The following MED20 variants were observed in gnomAD, a reference collection of about 807,000 sequenced individuals.
MED20 encodes the protein mediator of RNA polymerase II transcription subunit 20.
A neutral mutation model predicts 19.7 loss-of-function variants in MED20; 19 were observed. That is an observed-to-expected ratio of 0.96 (90% CI 0.67 to 1.42). MED20 has a LOEUF of 1.42. Among genes scored for constraint, MED20 ranks in the 40% most tolerant of loss-of-function variants. The probability of loss-of-function intolerance (pLI) is 0.00; values close to 1 mark genes in which losing one functional copy is unlikely to be tolerated. For synonymous variants in MED20, 105 were observed against 104.8 expected (o/e 1.00, Z -0.01); for missense variants, 225 against 273.0 (o/e 0.82, Z 1.24).
chr6:41,912,627 G>A (rs1175240131), intron 2 of MED20, among the ~76,000 whole-genome samples: 1 of 151,996 alleles, frequency 6.6e-6, no homozygotes, highest in Non-Finnish European at 1.5e-5. Flanking sequence ...AAAATGCTGG[G>A]ATTCCAGGCA....
chr6:41,913,706 T>C (rs1582059419), intron 2 of MED20, among the ~76,000 whole-genome samples: 1 of 152,182 alleles, frequency 6.6e-6, no homozygotes, highest in East Asian at 1.9e-4. Context: ...AAGACCAGCC[T>C]GGCCAACATG....
chr6:41,909,340 G>A lies in MED20; in HGVS notation c.352C>T (p.Gln118Ter). Residue 118 changes from glutamine to a stop codon, truncating the protein, a stop_gained, in exon 3 of 4, where the codon CAG (glutamine) becomes TAG (stop). Transcript: ENST00000265350. LOFTEE classifies it high-confidence loss of function. ...SKIETRGTRY[Q>*]YCDFLVKVGT... ...ACCTTCACCAGGAAGTCACAGTACT[G>A]GTACCTGGTGCCCCGGGTCTCAATC... is the stretch of plus-strand genomic sequence containing the variant. The A allele has an allele frequency of 6.2e-7, 1 of 1,614,086 alleles. No homozygotes were observed. Among genetic ancestry groups the A allele is most frequent in the Non-Finnish European group, 8.5e-7 (1 of 1,180,034 alleles).
At position 41,911,955 on chromosome 6, in the gene MED20, C is replaced by T. The variant is rs1225243109; in HGVS notation, c.170-2433G>A. The stretch of plus-strand genomic sequence containing the variant: ...CTATATGAGTCTACAAGTGTTACTG[C>T]CTTGGAAATATCTTAAAAGTCAACT... On this transcript the variant is annotated intron_variant, in intron 2 of 3. Transcript: ENST00000265350. 2.6e-5 allele frequency among the ~76,000 whole-genome samples: 4 copies of T among 152,122 alleles called. No individual in the cohort carries two copies. In the East Asian group the frequency reaches 7.7e-4, roughly 29 times the overall value.
intron 2 of MED20, 127 bp downstream of exon 2, chr6:41,916,658 A>G: frequency 8.4e-7 from 1 of 1,190,174 alleles, no homozygotes; most frequent in East Asian, 2.4e-5. Flanking sequence ...TAATGACGTC[A>G]AAAACACATC....
intron 3 of MED20, 53 bp from the exon 4 acceptor site, chr6:41,907,340 T>C: frequency 6.6e-7 from 1 of 1,520,208 alleles, no homozygotes; most frequent in African/African-American, 1.4e-5. Flanking sequence ...AGACAAGGTC[T>C]GCTTCTCTTG....
intron 2 of MED20, among the ~76,000 whole-genome samples, chr6:41,916,509 G>A (rs1775318211): frequency 6.6e-6 from 1 of 152,080 alleles, no homozygotes. Context: ...GAACCTGGGA[G>A]GTGGAGGTTG....
At chr6:41,920,876 C>T in intron 1 of MED20, 129 bp downstream of exon 1, 2 of 1,181,924 alleles carry the variant, frequency 1.7e-6, no homozygotes, top group Non-Finnish European at 2.3e-6. Context: ...GCCCGGACGG[C>T]ATCCTCTCAT....
intron 2 of MED20, among the ~76,000 whole-genome samples, chr6:41,913,898 CA>C (rs888423748): frequency 1.2e-4 from 18 of 148,432 alleles, no homozygotes; most frequent in Non-Finnish European, 2.5e-4. Flanking sequence ...AACTCCGTCT[CA>C]AAAAAAAAAT....
intron 1 of MED20, among the ~76,000 whole-genome samples, chr6:41,918,674 G>A (rs1256721024): frequency 1.4e-5 from 2 of 147,646 alleles, no homozygotes; most frequent in Admixed American, 6.7e-5. Flanking sequence ...ATGGCCGGGC[G>A]CGGTGGCTCA....
chr6:41,919,572 T>C (rs1159974749), intron 1 of MED20, among the ~76,000 whole-genome samples: 2 of 152,082 alleles, frequency 1.3e-5, no homozygotes, highest in Non-Finnish European at 2.9e-5. Flanking sequence ...AGTCCTAGGA[T>C]TCTGAAAACG....
Position 41,906,606 on chromosome 6 carries a change from C to A in MED20, c.*466G>T, listed in dbSNP as rs371921870. The A allele has an allele frequency of 2.6e-4, 41 of 160,440 alleles. No individual in the cohort carries two copies. In the South Asian group the frequency reaches 7.3e-3, roughly 29 times the overall value. The allele number at this position is 160,440 out of a possible 1,614,324, so 9.9% of individuals were successfully genotyped here. ...ACCAGTTGTGCCTTCTACTCCATCT[C>A]TAGGATAGAAGCCCAGCCACATCCT... On this transcript the variant is annotated 3_prime_UTR_variant, in exon 4 of 4. Transcript: ENST00000265350.
Position 41,921,066 on chromosome 6 carries a change from T to C in MED20, c.-48A>G, listed in dbSNP as rs1428761125. On this transcript the variant is annotated 5_prime_UTR_variant, in exon 1 of 4. Coordinates refer to ENST00000265350, the MANE Select transcript of MED20 (RefSeq NM_004275.5). The stretch of plus-strand genomic sequence containing the variant: ...AGAATCACACAGTAGAAACGCAGGG[T>C]TCCCTGTCCGCCCACAGAAACTCCT... 1.2e-6 allele frequency: 2 copies of C among 1,603,512 alleles called. No individual in the cohort carries two copies. The highest frequency in any genetic ancestry group is 2.2e-5 in the South Asian group (2 of 90,092).
intron 1 of MED20, among the ~76,000 whole-genome samples, chr6:41,919,910 C>A (rs1176946395): frequency 6.6e-6 from 1 of 152,166 alleles, no homozygotes; most frequent in African/African-American, 2.4e-5. Context: ...CACTGAGAAA[C>A]CTGCAAGAAC....
At chr6:41,914,486 C>T (rs563530268) in intron 2 of MED20, among the ~76,000 whole-genome samples, 2 of 152,296 alleles carry the variant, frequency 1.3e-5, no homozygotes, top group African/African-American at 4.8e-5. Flanking sequence ...TACAGGTACA[C>T]AGTTAGAATG....
chr6:41,908,742 G>C (rs895229161), intron 3 of MED20, among the ~76,000 whole-genome samples: 3 of 152,112 alleles, frequency 2.0e-5, no homozygotes, highest in Non-Finnish European at 4.4e-5. Flanking sequence ...GAAGCTTTCT[G>C]CTTGCTTTGA....
chr6:41,913,528 C>T (rs1359950604), intron 2 of MED20, among the ~76,000 whole-genome samples: 2 of 152,180 alleles, frequency 1.3e-5, no homozygotes, highest in Non-Finnish European at 2.9e-5. Context: ...TTGAAGGCAA[C>T]ACAAATGGTA....
At chr6:41,919,907 A>T (rs891817689) in intron 1 of MED20, among the ~76,000 whole-genome samples, 6 of 152,368 alleles carry the variant, frequency 3.9e-5, no homozygotes, top group African/African-American at 1.2e-4. Flanking sequence ...AATCACTGAG[A>T]AACCTGCAAG....
At position 41,906,550 on chromosome 6, in the gene MED20, A is replaced by G. The variant is rs1465947003; in HGVS notation, c.*522T>C. On this transcript the variant is annotated 3_prime_UTR_variant, in exon 4 of 4. Transcript: ENST00000265350. ...GGAAAGTCAATTCGCAAATCACTTC[A>G]GCAAACAGGTCAGAAAATAGTAACT... The G allele has an allele frequency of 1.3e-5, 2 of 153,820 alleles. No homozygotes were observed. Among genetic ancestry groups the G allele is most frequent in the South Asian group, 2.0e-4 (1 of 4,944 alleles). The allele number at this position is 153,820 out of a possible 1,614,324, so 9.5% of individuals were successfully genotyped here. A position where few individuals can be genotyped will look rare whatever the true frequency, so the allele number is the denominator to read the frequency against.
rs1775023382 is a variant in MED20, at chr6:41,905,467, C to T, written c.*1605G>A. On this transcript the variant is annotated 3_prime_UTR_variant, in exon 4 of 4. Coordinates refer to ENST00000265350, the MANE Select transcript of MED20 (RefSeq NM_004275.5). The stretch of plus-strand genomic sequence containing the variant: ...GAACAAAAAATACAGATGACAGGTT[C>T]TGTAGTTATGGTACTGAACTGAGCT... 1 of 152,142 alleles carries T rather than the reference C, an allele frequency of 6.6e-6. No individual in the cohort carries two copies. The highest frequency in any genetic ancestry group is 1.5e-5 in the Non-Finnish European group (1 of 68,028). 9.4% of individuals were successfully genotyped at this position (152,142 alleles called of 1,614,324 possible).
Sources: allele counts gnomAD v4.1 joint callset (sites outside exome capture counted in the v4.1 genomes callset), GRCh38; gene constraint gnomAD v4.1.1; transcripts MANE v1.5; gene names NCBI Gene and HGNC (gene_info 2026-07-23, HGNC 2026-07-21).